The following DYNC2H1 variants were observed in gnomAD, a reference collection of about 807,000 sequenced individuals.
The protein encoded by DYNC2H1 is dynein cytoplasmic 2 heavy chain 1.
A neutral mutation model predicts 570.0 loss-of-function variants in DYNC2H1; 410 were observed. The observed-to-expected ratio is 0.72, with a 90% CI of 0.66 to 0.78. The LOEUF is 0.78. Among genes scored for constraint, DYNC2H1 ranks in the 30% least tolerant of loss-of-function variants. The pLI is 0.00. For missense variants in DYNC2H1, 4,865 were observed against 5,046.4 expected (o/e 0.96, Z 1.09); for synonymous variants, 1,688 against 1,677.6 (o/e 1.01, Z -0.15).
At chr11:103,303,396 A>C (rs1174877704) in intron 76 of DYNC2H1, 143 bp downstream of exon 76, 5 of 835,876 alleles carry the variant, frequency 6.0e-6, no homozygotes, top group Non-Finnish European at 8.4e-6. Flanking sequence ...AGAACTGTGG[A>C]TATGTTATTT....
chr11:103,256,374 C>G lies in DYNC2H1; in HGVS notation c.10461+134C>G. 1.1e-6 allele frequency: 1 copy of G among 890,908 alleles called. No homozygotes were observed. Among genetic ancestry groups the G allele is most frequent in the East Asian group, 2.8e-5 (1 of 35,710 alleles). The allele number at this position is 890,908 out of a possible 1,614,324, so 55.2% of individuals were successfully genotyped here. A position where few individuals can be genotyped will look rare whatever the true frequency, so the allele number is the denominator to read the frequency against. ...AAAAAGCTATTCAAAAACATCAGAA[C>G]ATTGGGTTTGATTCTAGTTATTGTA... On this transcript the variant is annotated intron_variant, in intron 68 of 88. Coordinates refer to ENST00000375735, the MANE Select transcript of DYNC2H1 (RefSeq NM_001377.3). This position sits in a 1 kb window ranked among gnomAD's most constrained non-coding sequence, Gnocchi z 4.0.
chr11:103,390,226 G>T (rs1245899022), intron 83 of DYNC2H1, among the ~76,000 whole-genome samples: 3 of 152,116 alleles, frequency 2.0e-5, no homozygotes, highest in Admixed American at 6.5e-5. Context: ...TCTTCTTGTT[G>T]TATGGATCCC....
At chr11:103,270,571 G>C (rs1191565638) in intron 70 of DYNC2H1, among the ~76,000 whole-genome samples, 2 of 144,346 alleles carry the variant, frequency 1.4e-5, no homozygotes, top group Non-Finnish European at 3.1e-5. Flanking sequence ...ATTATATGAT[G>C]TGGTACCTCT....
chr11:103,172,898 T>C (rs1040234573), intron 34 of DYNC2H1, among the ~76,000 whole-genome samples, 184 bp from the exon 35 acceptor site: 6 of 152,002 alleles, frequency 3.9e-5, no homozygotes, highest in African/African-American at 1.4e-4. Context: ...AGTAAGGAGA[T>C]GGTTAGTACA....
At chr11:103,314,087 TAG>T (rs1937674713) in intron 79 of DYNC2H1, among the ~76,000 whole-genome samples, 3 of 152,152 alleles carry the variant, frequency 2.0e-5, no homozygotes, top group Non-Finnish European at 4.4e-5. Context: ...TTAAGTTATA[TAG>T]GCACATGGTA....
At chr11:103,320,749 A>T (rs1284211973) in intron 80 of DYNC2H1, among the ~76,000 whole-genome samples, 1 of 152,144 alleles carries the variant, frequency 6.6e-6, no homozygotes, top group African/African-American at 2.4e-5. Flanking sequence ...TTGGTGCCTC[A>T]GCCTCCCTAT....
At position 103,410,643 on chromosome 11, in the gene DYNC2H1, T is replaced by G. The variant is rs1348969699; in HGVS notation, c.12366+10771T>G. Among the ~76,000 whole-genome samples, 11 of 152,292 alleles carry G rather than the reference T, an allele frequency of 7.2e-5. No homozygotes were observed. In the South Asian group the frequency reaches 2.3e-3, roughly 32 times the overall value. On this transcript the variant is annotated intron_variant, in intron 84 of 88. Transcript: ENST00000375735. The stretch of plus-strand genomic sequence containing the variant: ...CATAGTGGGGTATCTAACCCCAGTT[T>G]GGATCTTAGCTGTCGTGTCTTCAGG...
intron 35 of DYNC2H1, 114 bp from the exon 36 acceptor site, chr11:103,173,940 GA>G (rs1861684488): frequency 5.8e-6 from 4 of 684,840 alleles, no homozygotes; most frequent in Non-Finnish European, 9.7e-6. Context: ...AAATTAATGG[GA>G]TATCAACATT....
In DYNC2H1 at chr11:103,123,007, A is replaced by G. The variant is rs369094100; in HGVS notation, c.1661+7A>G. 4.3e-6 allele frequency: 6 copies of G among 1,401,604 alleles called. No homozygotes were observed. The African/African-American group carries it at 7.2e-5, about 17-fold the overall frequency. 86.8% of individuals were successfully genotyped at this position (1,401,604 alleles called of 1,614,324 possible). A position where few individuals can be genotyped will look rare whatever the true frequency, so the allele number is the denominator to read the frequency against. On this transcript the variant is annotated splice_region_variant and intron_variant, in intron 11 of 88. Coordinates refer to ENST00000375735, the MANE Select transcript of DYNC2H1 (RefSeq NM_001377.3). ...ATTCCAGATCTGGTTTGTGGTAAGT[A>G]TAGATATATTAAACTGTAAAATCCA...
At chr11:103,362,986 G>A (rs752305010) in intron 83 of DYNC2H1, among the ~76,000 whole-genome samples, 4 of 151,998 alleles carry the variant, frequency 2.6e-5, no homozygotes, top group Non-Finnish European at 5.9e-5. Flanking sequence ...AGCCAAGATT[G>A]TACCACTGCA....
At position 103,241,446 on chromosome 11, in the gene DYNC2H1, C is replaced by A. The variant is rs1239465197; in HGVS notation, c.9820-2247C>A. On this transcript the variant is annotated intron_variant, in intron 63 of 88. Transcript: ENST00000375735. This position sits in a 1 kb window ranked among gnomAD's most constrained non-coding sequence, Gnocchi z 5.1. ...AAGATGACAACAAACTTTTAAGTACCCTTTGAAAAACTTAAGCATGTTTTC... is the reference window on the plus strand; with the variant it reads ...AAGATGACAACAAACTTTTAAGTACACTTTGAAAAACTTAAGCATGTTTTC... 18 of 1,273,306 alleles carry A rather than the reference C, an allele frequency of 1.4e-5. No homozygotes were observed. The highest frequency in any genetic ancestry group is 1.8e-5 in the Non-Finnish European group (16 of 897,664). 78.9% of individuals were successfully genotyped at this position (1,273,306 alleles called of 1,614,324 possible). A position where few individuals can be genotyped will look rare whatever the true frequency, so the allele number is the denominator to read the frequency against.
At chr11:103,184,769 G>A in intron 40 of DYNC2H1, 127 bp from the exon 41 acceptor site, 4 of 868,310 alleles carry the variant, frequency 4.6e-6, no homozygotes, top group Non-Finnish European at 5.0e-6. Context: ...ACTTTCTACA[G>A]TTTGAATAGA....
chr11:103,457,543 A>T (rs1392020782), intron 87 of DYNC2H1, among the ~76,000 whole-genome samples: 2 of 138,288 alleles, frequency 1.4e-5, no homozygotes, highest in Non-Finnish European at 3.0e-5. Context: ...AAAAATTAAA[A>T]TAAATTTTAA....
chr11:103,469,686 T>A (rs1945311050), intron 88 of DYNC2H1, among the ~76,000 whole-genome samples: 2 of 152,186 alleles, frequency 1.3e-5, no homozygotes, highest in South Asian at 4.1e-4. Context: ...TTTTCCCCCA[T>A]ATCAGCTTCA....
Position 103,408,551 on chromosome 11 carries a change from G to A in DYNC2H1, c.12366+8679G>A, listed in dbSNP as rs373064109. On this transcript the variant is annotated intron_variant, in intron 84 of 88. Coordinates refer to ENST00000375735, the MANE Select transcript of DYNC2H1 (RefSeq NM_001377.3). ...TAGGCCCTATTTCTCTTGTCCTTTC[G>A]TACTAGCAGAAATATTAAATAGATA... 1.3e-4 allele frequency among the ~76,000 whole-genome samples: 19 copies of A among 151,948 alleles called. No homozygotes were observed. In the East Asian group the frequency reaches 1.6e-3, roughly 12 times the overall value.
chr11:103,259,291 CCAAA>C (rs1865178019), intron 69 of DYNC2H1, among the ~76,000 whole-genome samples: 1 of 152,084 alleles, frequency 6.6e-6, no homozygotes, highest in Non-Finnish European at 1.5e-5. Context: ...CATTTCTATG[CCAAA>C]CAATTTTTCT....
chr11:103,386,255 G>A (rs1053854949), intron 83 of DYNC2H1, among the ~76,000 whole-genome samples: 1 of 152,140 alleles, frequency 6.6e-6, no homozygotes, highest in Non-Finnish European at 1.5e-5. Flanking sequence ...TGTATTAAAT[G>A]ATTATGCTTT....
chr11:103,434,313 A>T (rs1006757552), intron 84 of DYNC2H1, among the ~76,000 whole-genome samples: 1 of 152,142 alleles, frequency 6.6e-6, no homozygotes, highest in South Asian at 2.1e-4. Flanking sequence ...TCTTTTCAAG[A>T]TAAGCCTTTC....
Position 103,287,556 on chromosome 11 carries a change from A to C in DYNC2H1, c.11046A>C (p.Arg3682Ser). 1 of 1,611,916 alleles carries C rather than the reference A, an allele frequency of 6.2e-7. No homozygotes were observed. Among genetic ancestry groups the C allele is most frequent in the Non-Finnish European group, 8.5e-7 (1 of 1,178,924 alleles). The stretch of plus-strand genomic sequence containing the variant: ...AGATTCTTGTAGTACAGGCGCTAAG[A>C]CCGGACAGATTGCAAAGTGCCATGG... ...FQQILVVQAL[R>S]PDRLQSAMAL... Residue 3682 changes from arginine to serine, a missense_variant, in exon 75 of 89, where the codon AGA (arginine) becomes AGC (serine). Transcript: ENST00000375735.
Sources: gnomAD v4.1 joint callset for allele counts (sites outside exome capture counted in the v4.1 genomes callset) on GRCh38, gnomAD v4.1.1 for gene constraint, Gnocchi (gnomAD v3.1) non-coding constraint, MANE v1.5 for transcripts, NCBI Gene and HGNC (gene_info 2026-07-23, HGNC 2026-07-21) for gene names.